The following HTR7 variants were observed in gnomAD, a reference collection of about 807,000 sequenced individuals.
The protein encoded by HTR7 is 5-hydroxytryptamine receptor 7, also known as 5-HT-7.
Under a neutral mutation model 34.0 loss-of-function variants are expected in HTR7, and 16 were observed. The ratio of observed to expected loss-of-function variants is 0.47; its 90% confidence interval spans 0.32 to 0.71. The LOEUF (loss-of-function observed/expected upper bound fraction) is 0.71. Ranked by LOEUF, HTR7 falls within the 30% of genes least tolerant of loss-of-function variation. The probability of loss-of-function intolerance (pLI) is 0.04; values close to 1 mark genes in which losing one functional copy is unlikely to be tolerated. For missense variants in HTR7, 504 were observed against 625.5 expected (o/e 0.81, Z 2.07); for synonymous variants, 265 against 260.2 (o/e 1.02, Z -0.18).
chr10:90,819,479 C>CT (rs34490432), intron 1 of HTR7, among the ~76,000 whole-genome samples: 16 of 151,980 alleles, frequency 1.1e-4, no homozygotes, highest in Admixed American at 2.6e-4. Context: ...GGTTTCAAAC[C>CT]TTTTTTTTGA....
chr10:90,758,466 T>G (rs902364458), intron 1 of HTR7, among the ~76,000 whole-genome samples: 3 of 150,498 alleles, frequency 2.0e-5, no homozygotes, highest in Non-Finnish European at 4.4e-5. Context: ...TATTCAAAAT[T>G]TATTCAAGCA....
At chr10:90,774,665 G>T (rs1359894245) in intron 1 of HTR7, among the ~76,000 whole-genome samples, 2 of 152,158 alleles carry the variant, frequency 1.3e-5, no homozygotes, top group African/African-American at 4.8e-5. Context: ...CACGGTGAGG[G>T]ACTTGGTTTC....
At chr10:90,845,001 A>G (rs544674642) in intron 1 of HTR7, among the ~76,000 whole-genome samples, 5 of 152,236 alleles carry the variant, frequency 3.3e-5, no homozygotes, top group African/African-American at 1.2e-4. Flanking sequence ...CCAAGAGGCT[A>G]CTGTGAGTGC....
chr10:90,743,871 C>T (rs190303626), intron 2 of HTR7, 181 bp from the exon 3 acceptor site: 5 of 714,060 alleles, frequency 7.0e-6, no homozygotes, highest in African/African-American at 1.8e-5. Context: ...GTATTCACAG[C>T]TTTTCCTCCA....
intron 1 of HTR7, among the ~76,000 whole-genome samples, chr10:90,753,471 C>T (rs1020250242): frequency 1.3e-5 from 2 of 152,130 alleles, no homozygotes; most frequent in African/African-American, 4.8e-5. Flanking sequence ...TAAAATGACA[C>T]ATTTTTATCA....
rs777845977 is a variant in HTR7, at chr10:90,743,645, T to G, written c.1341A>C (p.Pro447=). ...RRVLLRPEKR[P]PVSVWVLQSP... ...ATTGTAGCACCCACACAGATACCGG[T>G]GGCCTCTTTTCTGGTCTCAACAGCA... Residue 447 remains proline (P), a synonymous_variant, in exon 3 of 4, where the codon CCA becomes CCC. Transcript: ENST00000336152. 7 of 1,614,004 alleles carry G rather than the reference T, an allele frequency of 4.3e-6. No homozygotes were observed. The highest frequency in any genetic ancestry group is 5.1e-6 in the Non-Finnish European group (6 of 1,179,898).
At chr10:90,839,253 TGAAAATAG>T (rs751660979) in intron 1 of HTR7, among the ~76,000 whole-genome samples, 2 of 152,202 alleles carry the variant, frequency 1.3e-5, no homozygotes, top group Non-Finnish European at 1.5e-5. Flanking sequence ...AGACTTCTAC[TGAAAATAG>T]CAGAGACTTT....
intron 1 of HTR7, among the ~76,000 whole-genome samples, chr10:90,775,745 C>A (rs186664454): frequency 2.5e-4 from 38 of 152,248 alleles, no homozygotes; most frequent in Non-Finnish European, 4.9e-4. Context: ...GAATTTGTGA[C>A]AGCTTTTCTC....
intron 1 of HTR7, among the ~76,000 whole-genome samples, chr10:90,763,416 A>C (rs1844969989): frequency 7.0e-6 from 1 of 142,268 alleles, no homozygotes; most frequent in African/African-American, 2.7e-5. Context: ...GAATTGTTTT[A>C]TTTCTTTTTT....
In HTR7 at chr10:90,773,086, G is replaced by A. The variant is rs117793043; in HGVS notation, c.540-23492C>T. On this transcript the variant is annotated intron_variant, in intron 1 of 3. Transcript: ENST00000336152. ...TCCCAATTTTCCATTTCCAGTTGAAGAATAACTGAAATTTCTAGTTGGGAA... is the reference window on the plus strand; with the variant it reads ...TCCCAATTTTCCATTTCCAGTTGAAAAATAACTGAAATTTCTAGTTGGGAA... Among the ~76,000 whole-genome samples the A allele has an allele frequency of 1.4e-3, 206 of 152,262 alleles. 2 individuals are homozygous for A. In the East Asian group the frequency reaches 0.035, roughly 26 times the overall value.
Position 90,767,050 on chromosome 10 carries a change from G to A in HTR7, c.540-17456C>T, listed in dbSNP as rs550711482. ...GCTCCCTGGTCTGGCGGGGCTACTA[G>A]CTGGACTCTACCCACAAGCTGTGCT... On this transcript the variant is annotated intron_variant, in intron 1 of 3. Coordinates refer to ENST00000336152, the MANE Select transcript of HTR7 (RefSeq NM_019859.4). Among the ~76,000 whole-genome samples, 712 of 152,324 alleles carry A rather than the reference G, an allele frequency of 4.7e-3. 4 individuals carry two copies. The highest frequency in any genetic ancestry group is 0.016 in the African/African-American group (675 of 41,574).
intron 1 of HTR7, among the ~76,000 whole-genome samples, chr10:90,836,997 C>T: frequency 6.6e-6 from 1 of 152,228 alleles, no homozygotes; most frequent in East Asian, 1.9e-4. Context: ...TGCCCTTAAA[C>T]CTCAGTCCCA....
At chr10:90,746,245 C>T (rs566417046) in intron 2 of HTR7, among the ~76,000 whole-genome samples, 3 of 152,192 alleles carry the variant, frequency 2.0e-5, no homozygotes, top group Non-Finnish European at 2.9e-5. Flanking sequence ...AGTGAATCCT[C>T]AGCAAACGCA....
intron 1 of HTR7, among the ~76,000 whole-genome samples, chr10:90,852,352 TAC>T (rs1846514531): frequency 6.6e-6 from 1 of 151,996 alleles, no homozygotes; most frequent in Non-Finnish European, 1.5e-5. Context: ...GAAGAATGAA[TAC>T]GGACTGTTAC....
At chr10:90,829,871 T>C (rs1324112731) in intron 1 of HTR7, among the ~76,000 whole-genome samples, 1 of 152,120 alleles carries the variant, frequency 6.6e-6, no homozygotes, top group African/African-American at 2.4e-5. Context: ...CCATTTACAA[T>C]AGCTACAAAT....
intron 1 of HTR7, among the ~76,000 whole-genome samples, chr10:90,815,089 TTTTTTTGTTTTG>T (rs1845878237): frequency 6.6e-6 from 1 of 152,044 alleles, no homozygotes; most frequent in African/African-American, 2.4e-5. Flanking sequence ...TTTTTGTTTT[TTTTTTTGTTTTG>T]TTTTTTTTGA....
intron 1 of HTR7, among the ~76,000 whole-genome samples, chr10:90,789,904 G>C (rs978761200): frequency 6.6e-6 from 1 of 152,102 alleles, no homozygotes; most frequent in Non-Finnish European, 1.5e-5. Flanking sequence ...GTACCATCCT[G>C]GGTTTGTTAT....
chr10:90,778,645 C>T (rs1447846629), intron 1 of HTR7, among the ~76,000 whole-genome samples: 1 of 152,236 alleles, frequency 6.6e-6, no homozygotes, highest in Admixed American at 6.5e-5. Context: ...ACTGCTATGA[C>T]TGCTCAAACG....
intron 1 of HTR7, among the ~76,000 whole-genome samples, chr10:90,832,202 G>A (rs1846189555): frequency 6.6e-6 from 1 of 152,192 alleles, no homozygotes; most frequent in Non-Finnish European, 1.5e-5. Context: ...GGTGGTGGAT[G>A]GGACCAGGCG....
Sources: allele counts gnomAD v4.1 joint callset (sites outside exome capture counted in the v4.1 genomes callset), GRCh38; gene constraint gnomAD v4.1.1; transcripts MANE v1.5; gene names NCBI Gene and HGNC (gene_info 2026-07-23, HGNC 2026-07-21).